Variants in UGT1A5 observed in about 807,000 individuals in gnomAD.
The protein encoded by UGT1A5 is UDP glucuronosyltransferase family 1 member A5, also known as UDP-glucuronosyltransferase 1A5.
A neutral mutation model predicts 40.3 loss-of-function variants in UGT1A5; 29 were observed. That is an observed-to-expected ratio of 0.72 (90% CI 0.54 to 0.98). The LOEUF (loss-of-function observed/expected upper bound fraction) is 0.98, where lower values mean the gene tolerates loss of function less well. Ranked by LOEUF, UGT1A5 falls within the 50% of genes least tolerant of loss-of-function variation. The probability of loss-of-function intolerance (pLI) is 0.00; values close to 1 mark genes in which losing one functional copy is unlikely to be tolerated. For synonymous variants in UGT1A5, 257 were observed against 262.5 expected (o/e 0.98, Z 0.20); for missense variants, 678 against 677.9 (o/e 1.00, Z 0.00).
At position 233,713,085 on chromosome 2, in the gene UGT1A5, C is replaced by T. The variant is rs148617766; in HGVS notation, c.94C>T (p.Leu32=). The change falls in exon 1 of 5, where the codon CTG becomes TTG. Residue 32 remains leucine (L), a synonymous_variant. Transcript: ENST00000373414. The part of the protein sequence containing the change: ...VQPWAESGKV[L]VVPTDGSHWL... ...GCCCTGGGCTGAGAGTGGGAAGGTGCTGGTGGTGCCCACTGATGGCAGCCA... is the reference window on the plus strand; with the variant it reads ...GCCCTGGGCTGAGAGTGGGAAGGTGTTGGTGGTGCCCACTGATGGCAGCCA... 296 of 1,614,186 alleles carry T rather than the reference C, an allele frequency of 1.8e-4. No homozygotes were observed. In the African/African-American group the frequency reaches 3.6e-3, roughly 19 times the overall value.
rs528527073 is a variant in UGT1A5 at position 233,743,656 on chromosome 2, G to A, written c.868-23378G>A. On this transcript the variant is annotated intron_variant, in intron 1 of 4. Transcript: ENST00000373414. ...GGTCGCGGAAGCTGAAGACGTACTC[G>A]AAGGGGTCCTCGAAGGGCCTGCCGC... 2.2e-5 allele frequency: 30 copies of A among 1,367,266 alleles called. 1 individual carries two copies. Among genetic ancestry groups the A allele is most frequent in the Middle Eastern group, 4.2e-4 (2 of 4,768 alleles). The allele number at this position is 1,367,266 out of a possible 1,614,324, so 84.7% of individuals were successfully genotyped here.
rs529035115 is a variant in UGT1A5 at position 233,718,838 on chromosome 2, G to T, written c.867+4980G>T. The T allele has an allele frequency of 2.5e-6, 4 of 1,613,656 alleles. No individual in the cohort carries two copies. The South Asian group carries it at 4.4e-5, about 18-fold the overall frequency. ...CTGCTGAGATGGCCAGAGGACTCCA[G>T]GTTCCCCTGCCGCGGCTGGCCACAG... On this transcript the variant is annotated intron_variant, in intron 1 of 4. Coordinates refer to ENST00000373414, the MANE Select transcript of UGT1A5 (RefSeq NM_019078.2).
Position 233,742,350 on chromosome 2 carries a change from T to G in UGT1A5, c.868-24684T>G, listed in dbSNP as rs566927246. On this transcript the variant is annotated intron_variant, in intron 1 of 4. Transcript: ENST00000373414. ...CAAAGGGATGGGCTCTGGCTAATTATCTGCAGCAGAAACATGTCCTTAAGG... is the reference window on the plus strand; with the variant it reads ...CAAAGGGATGGGCTCTGGCTAATTAGCTGCAGCAGAAACATGTCCTTAAGG... Among the ~76,000 whole-genome samples, 10 of 152,136 alleles carry G rather than the reference T, an allele frequency of 6.6e-5. No homozygotes were observed. The East Asian group carries it at 9.6e-4, about 15-fold the overall frequency.
At chr2:233,733,555 G>A (rs1474248933) in intron 1 of UGT1A5, among the ~76,000 whole-genome samples, 2 of 152,168 alleles carry the variant, frequency 1.3e-5, no homozygotes, top group East Asian at 1.9e-4. Context: ...TTCTGCATCT[G>A]TTGAAATAAT....
At position 233,772,584 on chromosome 2, in the gene UGT1A5, A is replaced by T; in HGVS notation, c.*25A>T. 6.2e-7 allele frequency: 1 copy of T among 1,604,676 alleles called. No homozygotes were observed. The highest frequency in any genetic ancestry group is 8.5e-7 in the Non-Finnish European group (1 of 1,174,986). On this transcript the variant is annotated 3_prime_UTR_variant, in exon 5 of 5. Transcript: ENST00000373414. ...AGAAGTGGGTGGGAAATAAGGTAAAATTTTGAACCATTCCCTAGTCATTTC... is the reference window on the plus strand; with the variant it reads ...AGAAGTGGGTGGGAAATAAGGTAAATTTTTGAACCATTCCCTAGTCATTTC...
intron 1 of UGT1A5, among the ~76,000 whole-genome samples, chr2:233,765,334 TAAC>T (rs1239541467): frequency 6.6e-6 from 1 of 152,144 alleles, no homozygotes; most frequent in African/African-American, 2.4e-5. Flanking sequence ...CTATTCACAA[TAAC>T]AAAGTCATGG....
At chr2:233,729,376 T>C in intron 1 of UGT1A5, 1 of 1,614,080 alleles carries the variant, frequency 6.2e-7, no homozygotes, top group Non-Finnish European at 8.5e-7. Flanking sequence ...TGCCATTTCG[T>C]GGACCCAGGA....
At chr2:233,757,428 A>G (rs987166652) in intron 1 of UGT1A5, among the ~76,000 whole-genome samples, 8 of 151,196 alleles carry the variant, frequency 5.3e-5, no homozygotes, top group South Asian at 2.1e-4. Flanking sequence ...AAGAGAAGAA[A>G]AGTCACTTCT....
Position 233,769,784 on chromosome 2 carries a change from G to A in UGT1A5, c.1307+1345G>A. 3 of 1,312,290 alleles carry A rather than the reference G, an allele frequency of 2.3e-6. No individual in the cohort carries two copies. The highest frequency in any genetic ancestry group is 3.0e-6 in the Non-Finnish European group (3 of 1,000,230). 81.3% of individuals were successfully genotyped at this position (1,312,290 alleles called of 1,614,324 possible). The stretch of plus-strand genomic sequence containing the variant: ...GCGGGAGGATTGCTTGAGCCCAGAA[G>A]TTGGAGGCTGCTATGAGCCGTGATC... On this transcript the variant is annotated intron_variant, in intron 4 of 4. Coordinates refer to ENST00000373414, the MANE Select transcript of UGT1A5 (RefSeq NM_019078.2). This position sits in a 1 kb window ranked among gnomAD's most constrained non-coding sequence, Gnocchi z 4.4.
chr2:233,741,851 G>T (rs1691795125), intron 1 of UGT1A5: 2 of 151,836 alleles, frequency 1.3e-5, no homozygotes, highest in South Asian at 4.1e-4. Flanking sequence ...TTGCTCTCAT[G>T]CCTTATGCAA....
At chr2:233,742,895 GA>G in intron 1 of UGT1A5, 1 of 165,112 alleles carries the variant, frequency 6.1e-6, no homozygotes, top group Non-Finnish European at 1.3e-5. Flanking sequence ...TTTCCCAACG[GA>G]AAAAGGTAAT....
rs1174960322 is a variant in UGT1A5 at position 233,769,336 on chromosome 2, A to G, written c.1307+897A>G. 6.6e-6 allele frequency among the ~76,000 whole-genome samples: 1 copy of G among 152,252 alleles called. No individual in the cohort carries two copies. The highest frequency in any genetic ancestry group is 1.9e-4 in the East Asian group (1 of 5,208). ...AGCTCACTGGTAATAGGCTTATTAG[A>G]ACCTTATGGGAAGAAGTGGTGGCCA... On this transcript the variant is annotated intron_variant, in intron 4 of 4. Transcript: ENST00000373414. The surrounding 1 kb of genome is among the most constrained non-coding windows in gnomAD (Gnocchi z 4.4).
At chr2:233,719,420 C>T in intron 1 of UGT1A5, 1 of 1,613,820 alleles carries the variant, frequency 6.2e-7, no homozygotes, top group Non-Finnish European at 8.5e-7. Flanking sequence ...TACTAACGAC[C>T]AATTCAGACC....
intron 1 of UGT1A5, among the ~76,000 whole-genome samples, chr2:233,746,609 G>T (rs1693438310): frequency 6.6e-6 from 1 of 151,680 alleles, no homozygotes; most frequent in Admixed American, 6.5e-5. Flanking sequence ...CTGTTCACCT[G>T]ACCCCTCCTT....
intron 1 of UGT1A5, 57 bp from the exon 2 acceptor site, chr2:233,766,977 T>C: frequency 1.2e-6 from 2 of 1,612,554 alleles, no homozygotes; most frequent in Non-Finnish European, 1.7e-6. Context: ...ACTTACTGTA[T>C]GTAGTCATCA....
At chr2:233,762,431 A>G (rs1698072328) in intron 1 of UGT1A5, among the ~76,000 whole-genome samples, 1 of 152,242 alleles carries the variant, frequency 6.6e-6, no homozygotes, top group Non-Finnish European at 1.5e-5. Context: ...ATAGAGTAAC[A>G]GTGTATTCCC....
intron 1 of UGT1A5, among the ~76,000 whole-genome samples, chr2:233,733,605 C>T (rs2125780479): frequency 6.6e-6 from 1 of 152,304 alleles, no homozygotes; most frequent in East Asian, 1.9e-4. Flanking sequence ...TGATGGATTA[C>T]ATTTATTGAT....
chr2:233,718,643 C>T, intron 1 of UGT1A5: 1 of 1,485,946 alleles, frequency 6.7e-7, no homozygotes, highest in South Asian at 1.3e-5. Context: ...AGGGTTGGGC[C>T]CATAACGAAA....
intron 4 of UGT1A5, chr2:233,771,362 C>T (rs1186329971): frequency 6.6e-6 from 1 of 152,076 alleles, no homozygotes; most frequent in African/African-American, 2.4e-5. Context: ...GTTGAAGCAC[C>T]TAACCCGTTT....
Sources: allele counts gnomAD v4.1 joint callset (sites outside exome capture counted in the v4.1 genomes callset), GRCh38; gene constraint gnomAD v4.1.1; non-coding constraint Gnocchi (gnomAD v3.1); transcripts MANE v1.5; gene names NCBI Gene and HGNC (gene_info 2026-07-23, HGNC 2026-07-21).